The following PCDH15 variants were observed in gnomAD, a reference collection of about 807,000 sequenced individuals.
PCDH15 encodes protocadherin related 15, also known as protocadherin-15.
In PCDH15, 129 loss-of-function variants were observed where a neutral mutation model predicts 178.5. The ratio of observed to expected loss-of-function variants is 0.72; its 90% confidence interval spans 0.63 to 0.84. The LOEUF (loss-of-function observed/expected upper bound fraction) is 0.84. Ranked by LOEUF, PCDH15 falls within the 40% of genes least tolerant of loss-of-function variation. The probability of loss-of-function intolerance (pLI) is 0.00; values close to 1 mark genes in which losing one functional copy is unlikely to be tolerated. For synonymous variants in PCDH15, 800 were observed against 732.0 expected, an observed-to-expected ratio of 1.09 and a Z score of -1.50; for missense variants, 2,230 against 2,099.9, an observed-to-expected ratio of 1.06 and a Z score of -1.21.
intron 17 of PCDH15, among the ~76,000 whole-genome samples, chr10:54,070,606 T>C (rs560409069): frequency 2.6e-5 from 4 of 152,174 alleles, no homozygotes; most frequent in Non-Finnish European, 5.9e-5. Context: ...TTGTTGTTTT[T>C]TTTGAGACAT....
At chr10:54,273,661 CA>C (rs891364932) in intron 8 of PCDH15, among the ~76,000 whole-genome samples, 3 of 151,982 alleles carry the variant, frequency 2.0e-5, no homozygotes, top group Non-Finnish European at 4.4e-5. Flanking sequence ...TATATCCTTC[CA>C]AAAGTATAGA....
At chr10:54,010,570 T>C (rs2092547277) in intron 20 of PCDH15, among the ~76,000 whole-genome samples, 1 of 152,196 alleles carries the variant, frequency 6.6e-6, no homozygotes, top group South Asian at 2.1e-4. Flanking sequence ...TACTCTTTAC[T>C]GCCCAGTGCC....
rs1277206184 is a variant in PCDH15, at chr10:55,296,884, C to A, written c.-156+22715G>T. Among the ~76,000 whole-genome samples, 8 of 152,224 alleles carry A rather than the reference C, an allele frequency of 5.3e-5. No individual in the cohort carries two copies. In the East Asian group the frequency reaches 1.5e-3, roughly 29 times the overall value. On this transcript the variant is annotated intron_variant, in intron 1 of 5. Transcript: ENST00000458638. ...TCATATTGTCCCTTTGTACCTCCTT[C>A]AAATACAAAAACAAACACTATAAGA...
At chr10:54,218,438 A>G (rs1230813118) in intron 9 of PCDH15, among the ~76,000 whole-genome samples, 1 of 151,990 alleles carries the variant, frequency 6.6e-6, no homozygotes, top group Non-Finnish European at 1.5e-5. Context: ...AGACCCTTTT[A>G]AGAAGGTAAT....
intron 1 of PCDH15, among the ~76,000 whole-genome samples, chr10:55,279,083 C>T (rs981220816): frequency 5.9e-5 from 9 of 152,156 alleles, no homozygotes; most frequent in African/African-American, 2.2e-4. Flanking sequence ...AGCTTCGATG[C>T]CCGAGATGAG....
chr10:53,996,039 C>T (rs995962463), intron 20 of PCDH15, among the ~76,000 whole-genome samples: 10 of 152,064 alleles, frequency 6.6e-5, no homozygotes, highest in Admixed American at 6.6e-4. Flanking sequence ...TGAAGTGACC[C>T]TGGAATTTTT....
chr10:54,962,667 C>G (rs1838686108), intron 2 of PCDH15, among the ~76,000 whole-genome samples: 1 of 152,204 alleles, frequency 6.6e-6, no homozygotes, highest in Non-Finnish European at 1.5e-5. Context: ...GTGCCGGCTC[C>G]TGGAGCTGCC....
At chr10:53,941,030 C>T in intron 23 of PCDH15, 55 bp from the exon 24 acceptor site, 1 of 1,263,496 alleles carries the variant, frequency 7.9e-7, no homozygotes. Context: ...TTTGATGTAA[C>T]TTTACGTTCA....
chr10:54,986,124 T>A (rs1050705586), intron 2 of PCDH15, among the ~76,000 whole-genome samples: 6 of 152,054 alleles, frequency 3.9e-5, no homozygotes, highest in African/African-American at 9.7e-5. Context: ...ATTTTTTTTT[T>A]AAATGAAGTG....
intron 2 of PCDH15, among the ~76,000 whole-genome samples, chr10:55,108,365 T>C (rs986783276): frequency 1.3e-5 from 2 of 152,226 alleles, no homozygotes; most frequent in African/African-American, 4.8e-5. Flanking sequence ...TTACGGGTTA[T>C]GGATTTATTA....
intron 1 of PCDH15, among the ~76,000 whole-genome samples, chr10:55,167,633 A>G (rs541892369): frequency 2.5e-3 from 378 of 152,292 alleles, no homozygotes; most frequent in African/African-American, 8.3e-3. Context: ...GTTAGAGAAC[A>G]TGTCTCAATT....
intron 2 of PCDH15, among the ~76,000 whole-genome samples, chr10:54,943,625 A>G (rs1234919683): frequency 6.6e-6 from 1 of 152,032 alleles, no homozygotes; most frequent in Non-Finnish European, 1.5e-5. Context: ...TGCATTTGAT[A>G]TATAAAGCCA....
intron 2 of PCDH15, among the ~76,000 whole-genome samples, chr10:55,602,216 G>A (rs1589171203): frequency 6.6e-6 from 1 of 152,266 alleles, no homozygotes; most frequent in East Asian, 1.9e-4. Flanking sequence ...ATTATACCCC[G>A]CACCTGGCTC....
At chr10:55,043,138 G>T (rs901738550) in intron 2 of PCDH15, among the ~76,000 whole-genome samples, 2 of 151,560 alleles carry the variant, frequency 1.3e-5, no homozygotes, top group Non-Finnish European at 3.0e-5. Context: ...TTTGTTTTTA[G>T]AACTTATTTT....
upstream of PCDH15, among the ~76,000 whole-genome samples, chr10:54,805,935 G>A (rs1243785079): frequency 6.6e-6 from 1 of 151,932 alleles, no homozygotes; most frequent in Admixed American, 6.6e-5. Flanking sequence ...CATTTCTGTT[G>A]GGCTTTCAAA....
chr10:54,062,872 C>T (rs1345261198), intron 18 of PCDH15, among the ~76,000 whole-genome samples: 1 of 152,080 alleles, frequency 6.6e-6, no homozygotes, highest in Non-Finnish European at 1.5e-5. Flanking sequence ...TCCATCTGGG[C>T]TTTATCTCTC....
At chr10:54,377,240 GCTT>G (rs1161444950) in intron 4 of PCDH15, among the ~76,000 whole-genome samples, 2 of 151,674 alleles carry the variant, frequency 1.3e-5, no homozygotes, top group South Asian at 2.1e-4. Context: ...TCATATATAT[GCTT>G]CTTATTTTCT....
At chr10:54,108,298 G>C (rs2094953513) in intron 15 of PCDH15, among the ~76,000 whole-genome samples, 1 of 152,110 alleles carries the variant, frequency 6.6e-6, no homozygotes, top group African/African-American at 2.4e-5. Flanking sequence ...AAGACACATG[G>C]CAAGAAGAGA....
intron 2 of PCDH15, among the ~76,000 whole-genome samples, chr10:54,994,149 T>C (rs910590902): frequency 3.3e-5 from 5 of 152,190 alleles, no homozygotes; most frequent in African/African-American, 1.2e-4. Flanking sequence ...AAAATGATGT[T>C]TTCCCTTTAC....
Sources: allele counts gnomAD v4.1 joint callset (sites outside exome capture counted in the v4.1 genomes callset), GRCh38; gene constraint gnomAD v4.1.1; transcripts MANE v1.5; gene names NCBI Gene and HGNC (gene_info 2026-07-23, HGNC 2026-07-21).